CTNNA3: variants seen among roughly 807,000 people sequenced by gnomAD.
The protein encoded by CTNNA3 is catenin alpha 3.
In CTNNA3, 76 loss-of-function variants were observed where a neutral mutation model predicts 95.7. The observed-to-expected ratio is 0.79, with a 90% CI of 0.66 to 0.96. The LOEUF (loss-of-function observed/expected upper bound fraction) is 0.96. CTNNA3 is among the 40% of genes least tolerant of loss of function. CTNNA3 has a pLI of 0.00. For missense variants in CTNNA3, 1,191 were observed against 1,089.8 expected, an observed-to-expected ratio of 1.09 and a Z score of -1.31; for synonymous variants, 431 against 374.4, an observed-to-expected ratio of 1.15 and a Z score of -1.74.
chr10:67,181,034 G>A (rs914847951), intron 6 of CTNNA3, among the ~76,000 whole-genome samples: 2 of 152,122 alleles, frequency 1.3e-5, no homozygotes, highest in African/African-American at 4.8e-5. Flanking sequence ...GATGAGTGAG[G>A]CTGAAAGGCT....
intron 7 of CTNNA3, among the ~76,000 whole-genome samples, chr10:66,824,833 T>A (rs1348654738): frequency 6.6e-6 from 1 of 152,062 alleles, no homozygotes; most frequent in African/African-American, 2.4e-5. Flanking sequence ...CATAACGGGA[T>A]CCTGGGACAG....
At chr10:66,954,234 T>A (rs1848679871) in intron 7 of CTNNA3, among the ~76,000 whole-genome samples, 1 of 152,218 alleles carries the variant, frequency 6.6e-6, no homozygotes, top group African/African-American at 2.4e-5. Flanking sequence ...ATAAATTGAA[T>A]GTAACCATAT....
intron 7 of CTNNA3, among the ~76,000 whole-genome samples, chr10:67,028,039 C>A (rs757934825): frequency 6.6e-6 from 1 of 152,000 alleles, no homozygotes; most frequent in African/African-American, 2.4e-5. Context: ...TGAAAAAGAC[C>A]AGCTGAAGTT....
At chr10:67,235,091 A>G (rs1865391552) in intron 5 of CTNNA3, among the ~76,000 whole-genome samples, 1 of 151,896 alleles carries the variant, frequency 6.6e-6, no homozygotes, top group Non-Finnish European at 1.5e-5. Flanking sequence ...ATACTGCCCA[A>G]GGTAATTTAC....
chr10:66,839,760 CA>C (rs1310061466), intron 7 of CTNNA3, among the ~76,000 whole-genome samples: 1 of 152,028 alleles, frequency 6.6e-6, no homozygotes, highest in Non-Finnish European at 1.5e-5. Flanking sequence ...GACATATGGA[CA>C]GAAAAAGAGA....
At chr10:67,435,347 C>T (rs1391466327) in intron 5 of CTNNA3, among the ~76,000 whole-genome samples, 1 of 151,944 alleles carries the variant, frequency 6.6e-6, no homozygotes. Context: ...GTAATAAAAG[C>T]CATCTGTGAC....
At chr10:66,303,748 C>A (rs1423561448) in intron 12 of CTNNA3, among the ~76,000 whole-genome samples, 1 of 152,070 alleles carries the variant, frequency 6.6e-6, no homozygotes, top group South Asian at 2.1e-4. Context: ...GATTTGCCAC[C>A]ACGCCTGGCT....
chr10:66,325,910 G>A (rs946549220), intron 12 of CTNNA3, among the ~76,000 whole-genome samples: 3 of 152,038 alleles, frequency 2.0e-5, no homozygotes, highest in Non-Finnish European at 2.9e-5. Context: ...TATTTCATTC[G>A]AGAAGAAGGA....
At chr10:67,450,382 A>T (rs570882625) in intron 5 of CTNNA3, among the ~76,000 whole-genome samples, 1 of 152,246 alleles carries the variant, frequency 6.6e-6, no homozygotes, top group Non-Finnish European at 1.5e-5. Flanking sequence ...AAACAACCTA[A>T]ATGCCCATCA....
chr10:66,114,784 CAGG>C (rs2082259749), intron 13 of CTNNA3, among the ~76,000 whole-genome samples: 1 of 151,362 alleles, frequency 6.6e-6, no homozygotes, highest in South Asian at 2.1e-4. Flanking sequence ...GAGGCTGAAG[CAGG>C]AGAATCACTT....
At chr10:66,130,634 C>T (rs1478668014) in intron 13 of CTNNA3, among the ~76,000 whole-genome samples, 2 of 151,710 alleles carry the variant, frequency 1.3e-5, no homozygotes, top group Admixed American at 6.6e-5. Flanking sequence ...CGTGAGGTCT[C>T]GAGTTCGAGA....
At chr10:66,077,738 A>T in intron 14 of CTNNA3, among the ~76,000 whole-genome samples, 1 of 151,802 alleles carries the variant, frequency 6.6e-6, no homozygotes, top group East Asian at 1.9e-4. Flanking sequence ...AGCAGGTATC[A>T]AGAAAGCTGA....
At chr10:67,230,944 C>A (rs1209997758) in intron 5 of CTNNA3, among the ~76,000 whole-genome samples, 1 of 152,194 alleles carries the variant, frequency 6.6e-6, no homozygotes, top group East Asian at 1.9e-4. Context: ...GTCACTCCCA[C>A]CCGAATACTG....
At chr10:66,326,071 A>G (rs1172122657) in intron 12 of CTNNA3, among the ~76,000 whole-genome samples, 1 of 152,128 alleles carries the variant, frequency 6.6e-6, no homozygotes, top group East Asian at 1.9e-4. Flanking sequence ...TGTAAAATGA[A>G]CAAGCTCAAT....
At chr10:66,347,442 C>T (rs540367863) in intron 12 of CTNNA3, among the ~76,000 whole-genome samples, 17 of 151,752 alleles carry the variant, frequency 1.1e-4, no homozygotes, top group Non-Finnish European at 1.9e-4. Flanking sequence ...TGTGAGATTC[C>T]GTCTCTACAA....
At chr10:66,250,158 A>G (rs2084661660) in intron 13 of CTNNA3, among the ~76,000 whole-genome samples, 1 of 152,162 alleles carries the variant, frequency 6.6e-6, no homozygotes, top group South Asian at 2.1e-4. Flanking sequence ...GAAAGAAATG[A>G]GTCAGGAATA....
chr10:66,963,201 C>CT (rs1849214854), intron 7 of CTNNA3, among the ~76,000 whole-genome samples: 1 of 152,182 alleles, frequency 6.6e-6, no homozygotes, highest in Non-Finnish European at 1.5e-5. Context: ...CTCACAACCA[C>CT]ATGGGACAGT....
intron 1 of CTNNA3, among the ~76,000 whole-genome samples, chr10:67,740,694 C>T (rs549177047): frequency 2.6e-5 from 4 of 151,302 alleles, no homozygotes; most frequent in Non-Finnish European, 5.9e-5. Flanking sequence ...AATAGGAACA[C>T]TTTTACACTG....
chr10:67,687,211 G>C (rs183103357), intron 1 of CTNNA3, among the ~76,000 whole-genome samples: 2 of 152,226 alleles, frequency 1.3e-5, no homozygotes, highest in East Asian at 3.9e-4. Context: ...AAACATACCC[G>C]GGGCTCAGTG....
Sources: gnomAD v4.1 joint callset for allele counts (sites outside exome capture counted in the v4.1 genomes callset) on GRCh38, gnomAD v4.1.1 for gene constraint, MANE v1.5 for transcripts, NCBI Gene and HGNC (gene_info 2026-07-23, HGNC 2026-07-21) for gene names.